Variants in ADAM23 observed in about 807,000 individuals in gnomAD.
ADAM23 encodes the protein ADAM metallopeptidase domain 23.
Under a neutral mutation model 120.1 loss-of-function variants are expected in ADAM23, and 33 were observed. The observed-to-expected ratio is 0.27, with a 90% CI of 0.21 to 0.37. The LOEUF is 0.37. Ranked by LOEUF, ADAM23 falls within the 10% of genes least tolerant of loss-of-function variation. The pLI is 1.00. For missense variants in ADAM23, 862 were observed against 1,058.2 expected, an observed-to-expected ratio of 0.81 and a Z score of 2.57; for synonymous variants, 367 against 375.2, an observed-to-expected ratio of 0.98 and a Z score of 0.25.
chr2:206,556,411 ATCTT>A (rs1238430949), intron 9 of ADAM23, among the ~76,000 whole-genome samples: 2 of 152,196 alleles, frequency 1.3e-5, no homozygotes, highest in African/African-American at 2.4e-5. Flanking sequence ...AATATTTTGA[ATCTT>A]TATGAAAGAT....
chr2:206,564,439 A>G (rs776972319), intron 13 of ADAM23, among the ~76,000 whole-genome samples: 4 of 152,238 alleles, frequency 2.6e-5, no homozygotes, highest in Non-Finnish European at 5.9e-5. Context: ...CAACTCTAAC[A>G]AATTGAATTC....
At chr2:206,538,844 G>C (rs1198012085) in intron 4 of ADAM23, among the ~76,000 whole-genome samples, 2 of 151,994 alleles carry the variant, frequency 1.3e-5, no homozygotes, top group Admixed American at 6.6e-5. Flanking sequence ...CTCCTCCTGG[G>C]CTTAAGCAAT....
chr2:206,461,670 C>T (rs1007270096), intron 2 of ADAM23, among the ~76,000 whole-genome samples: 1 of 151,848 alleles, frequency 6.6e-6, no homozygotes, highest in East Asian at 1.9e-4. Flanking sequence ...GATCTGGATG[C>T]GTTTGTTCTC....
intron 22 of ADAM23, 44 bp downstream of exon 22, chr2:206,592,780 A>C (rs750215516): frequency 5.8e-6 from 9 of 1,543,120 alleles, no homozygotes; most frequent in Non-Finnish European, 7.9e-6. Flanking sequence ...CATGAGAATT[A>C]CAAATTTCAC....
At chr2:206,544,644 G>A (rs1222837800) in intron 6 of ADAM23, among the ~76,000 whole-genome samples, 1 of 144,808 alleles carries the variant, frequency 6.9e-6, no homozygotes, top group East Asian at 2.0e-4. Flanking sequence ...AGATAGTCTC[G>A]CTCTTTCGCC....
intron 9 of ADAM23, among the ~76,000 whole-genome samples, chr2:206,552,557 C>A (rs1221053727): frequency 6.6e-6 from 1 of 152,086 alleles, no homozygotes; most frequent in Non-Finnish European, 1.5e-5. Context: ...AAAATTTCTA[C>A]ACACCATGTC....
chr2:206,479,514 G>C (rs985404600), intron 2 of ADAM23, among the ~76,000 whole-genome samples: 1 of 152,018 alleles, frequency 6.6e-6, no homozygotes, highest in African/African-American at 2.4e-5. Flanking sequence ...TTTTGATCTA[G>C]AGCTGAAAAA....
In ADAM23 at chr2:206,587,332, C is replaced by T. The variant is rs750467762; in HGVS notation, c.1745C>T (p.Pro582Leu). 3 of 1,606,620 alleles carry T rather than the reference C, an allele frequency of 1.9e-6. No individual in the cohort carries two copies. The highest frequency in any genetic ancestry group is 1.7e-6 in the Non-Finnish European group (2 of 1,175,924). The change falls in exon 19 of 26, where the codon CCA (proline) becomes CTA (leucine). Residue 582 changes from proline (P) to leucine (L), a missense_variant. Around this residue, in one of 4 missense-constraint regions of ADAM23, gnomAD observed 617 missense variants for 813.5 expected, o/e 0.76. Coordinates refer to ENST00000264377, the MANE Select transcript of ADAM23 (RefSeq NM_003812.4). ...AAAGATAATATTTTGCAGTGCCCAC[C>T]AAATCTTCATAAGCAAGACGGATAT... ...YCTGDSGQCP[P>L]NLHKQDGYAC...
chr2:206,475,674 G>C (rs1241609846), intron 2 of ADAM23, among the ~76,000 whole-genome samples: 1 of 151,670 alleles, frequency 6.6e-6, no homozygotes, highest in African/African-American at 2.4e-5. Flanking sequence ...ACAAAGGCAG[G>C]GTCCCTCTAG....
chr2:206,505,106 C>T (rs767415068), intron 3 of ADAM23, among the ~76,000 whole-genome samples: 8 of 152,132 alleles, frequency 5.3e-5, no homozygotes, highest in Non-Finnish European at 1.2e-4. Flanking sequence ...ATCAAACCTA[C>T]TAGCTATAGA....
intron 2 of ADAM23, among the ~76,000 whole-genome samples, chr2:206,446,274 C>A (rs1695080366): frequency 6.6e-6 from 1 of 152,076 alleles, no homozygotes. Flanking sequence ...GATCTTTTTC[C>A]CTGTGTTACT....
At chr2:206,461,381 T>G (rs1695415838) in intron 2 of ADAM23, among the ~76,000 whole-genome samples, 1 of 152,140 alleles carries the variant, frequency 6.6e-6, no homozygotes, top group South Asian at 2.1e-4. Flanking sequence ...TCCTTCTATC[T>G]GTTTTTGCAT....
chr2:206,514,642 A>G (rs1455979108), intron 3 of ADAM23, among the ~76,000 whole-genome samples: 1 of 152,224 alleles, frequency 6.6e-6, no homozygotes, highest in African/African-American at 2.4e-5. Flanking sequence ...CAATTTTGAA[A>G]GAAGTTCTGC....
chr2:206,616,969 A>T (rs889351850), intron 25 of ADAM23, among the ~76,000 whole-genome samples: 11 of 152,124 alleles, frequency 7.2e-5, no homozygotes, highest in African/African-American at 2.7e-4. Flanking sequence ...AACTAACCTG[A>T]ACCTGTGTCC....
At chr2:206,463,453 A>G (rs1695470018) in intron 2 of ADAM23, among the ~76,000 whole-genome samples, 1 of 152,164 alleles carries the variant, frequency 6.6e-6, no homozygotes, top group African/African-American at 2.4e-5. Flanking sequence ...TAAACTTTAG[A>G]CTTTGATTTT....
At chr2:206,485,988 G>A (rs897415644) in intron 3 of ADAM23, among the ~76,000 whole-genome samples, 7 of 152,204 alleles carry the variant, frequency 4.6e-5, no homozygotes, top group African/African-American at 1.2e-4. Context: ...GATGTGGGAT[G>A]TTCAAGAAGG....
chr2:206,547,067 C>T (rs1302576077), intron 6 of ADAM23, among the ~76,000 whole-genome samples: 1 of 151,860 alleles, frequency 6.6e-6, no homozygotes, highest in African/African-American at 2.4e-5. Context: ...AGTTTTATGG[C>T]AAAAGTTGGT....
At chr2:206,548,391 A>G (rs531967862) in intron 8 of ADAM23, 37 bp downstream of exon 8, 1 of 1,586,154 alleles carries the variant, frequency 6.3e-7, no homozygotes, top group East Asian at 2.2e-5. Flanking sequence ...GGCCTATTTT[A>G]CTCAATGAAG....
intron 3 of ADAM23, among the ~76,000 whole-genome samples, chr2:206,503,085 G>A (rs190764110): frequency 6.6e-6 from 1 of 152,250 alleles, no homozygotes; most frequent in Non-Finnish European, 1.5e-5. Flanking sequence ...ATACATGTGC[G>A]TTATAATATG....
Sources: allele counts gnomAD v4.1 joint callset (sites outside exome capture counted in the v4.1 genomes callset), GRCh38; gene constraint gnomAD v4.1.1; regional missense constraint gnomAD v4.1.1; transcripts MANE v1.5; gene names NCBI Gene and HGNC (gene_info 2026-07-23, HGNC 2026-07-21).